PREX2: variants seen among roughly 807,000 people sequenced by gnomAD.
PREX2 encodes the protein phosphatidylinositol-3,4,5-trisphosphate dependent Rac exchange factor 2, also known as phosphatidylinositol 3,4,5-trisphosphate-dependent Rac exchanger 2 protein.
Under a neutral mutation model 203.2 loss-of-function variants are expected in PREX2, and 107 were observed. That is an observed-to-expected ratio of 0.53 (90% confidence interval 0.45 to 0.62). The LOEUF is 0.62. Ranked by LOEUF, PREX2 falls within the 20% of genes least tolerant of loss-of-function variation. PREX2 has a pLI of 0.00. For missense variants in PREX2, 1,777 were observed against 1,955.9 expected (o/e 0.91, Z 1.72); for synonymous variants, 672 against 663.6 (o/e 1.01, Z -0.19).
Position 68,115,872 on chromosome 8 carries a change from T to C in PREX2, c.3266T>C (p.Val1089Ala), listed in dbSNP as rs763886172. ...AACAGCAAACGGGTATGTTTTAATG[T>C]AGCAGGAGATGAACAGGAAGATTCT... ...ERNSKRVCFN[V>A]AGDEQEDSGH... is the part of the protein sequence containing the mutation. The change falls in exon 26 of 40, where the codon GTA becomes GCA. Residue 1089 changes from valine (V) to alanine (A), a missense_variant. By Grantham distance (64) the Val-to-Ala change is moderately conservative (BLOSUM62 0). Transcript: ENST00000288368. The C allele has an allele frequency of 6.2e-7, 1 of 1,613,938 alleles. No homozygotes were observed. The highest frequency in any genetic ancestry group is 2.2e-5 in the East Asian group (1 of 44,864).
intron 35 of PREX2, among the ~76,000 whole-genome samples, chr8:68,168,909 CTT>C (rs60305267): frequency 1.3e-5 from 2 of 149,250 alleles, no homozygotes; most frequent in South Asian, 4.2e-4. Context: ...CAGAAGATGA[CTT>C]TTTTTTTTTT....
intron 37 of PREX2, among the ~76,000 whole-genome samples, chr8:68,209,973 A>G (rs1009305709): frequency 1.2e-4 from 18 of 152,306 alleles, no homozygotes; most frequent in African/African-American, 4.3e-4. Flanking sequence ...ACAAAACAAG[A>G]TCATATTTAT....
At chr8:68,201,900 ATTTTTT>A (rs869153263) in intron 37 of PREX2, among the ~76,000 whole-genome samples, 8 of 98,256 alleles carry the variant, frequency 8.1e-5, no homozygotes, top group East Asian at 3.4e-4. Flanking sequence ...GGTAACACCT[ATTTTTT>A]TTTTTTTTTT....
At chr8:68,061,538 G>A (rs6472377) in intron 11 of PREX2, among the ~76,000 whole-genome samples, 88,568 of 152,042 alleles carry the variant, frequency 0.58, 27,204 homozygotes, top group African/African-American at 0.79. Context: ...GTCTGCCTCC[G>A]TGGGCATGAA....
chr8:68,180,796 C>T (rs1332951487), intron 35 of PREX2, among the ~76,000 whole-genome samples: 5 of 152,010 alleles, frequency 3.3e-5, no homozygotes, highest in Non-Finnish European at 5.9e-5. Flanking sequence ...GAATGGTTCT[C>T]GTAGGATGAC....
intron 38 of PREX2, among the ~76,000 whole-genome samples, chr8:68,221,332 A>G (rs757664717): frequency 1.4e-4 from 22 of 152,208 alleles, no homozygotes; most frequent in Non-Finnish European, 2.9e-4. Flanking sequence ...TCTTGAGCCA[A>G]GCAGCCACAG....
intron 8 of PREX2, among the ~76,000 whole-genome samples, chr8:68,045,114 A>G (rs559016894): frequency 4.6e-5 from 7 of 152,110 alleles, no homozygotes; most frequent in Non-Finnish European, 1.0e-4. Flanking sequence ...ACTCAAAGGT[A>G]GTAACTTTTT....
At chr8:68,201,100 C>T (rs1293301233) in intron 37 of PREX2, among the ~76,000 whole-genome samples, 1 of 151,930 alleles carries the variant, frequency 6.6e-6, no homozygotes, top group Admixed American at 6.6e-5. Flanking sequence ...TTTTCTAAGT[C>T]TACCAAATTA....
rs1813261865 is a variant in PREX2 at position 68,236,210 on chromosome 8, T to C, written c.*4832T>C. ...CTGTTCAATCTGGAATCAACTGACC[T>C]GGCTCTGCCATTGAGAAATAACTAA... is the stretch of plus-strand genomic sequence containing the variant. On this transcript the variant is annotated 3_prime_UTR_variant, in exon 40 of 40. Transcript: ENST00000288368. 1 of 152,180 alleles carries C rather than the reference T, an allele frequency of 6.6e-6. No homozygotes were observed. Among genetic ancestry groups the C allele is most frequent in the African/African-American group, 2.4e-5 (1 of 41,450 alleles). The allele number at this position is 152,180 out of a possible 1,614,324, so 9.4% of individuals were successfully genotyped here.
chr8:68,226,954 C>T (rs1256473758), intron 39 of PREX2, among the ~76,000 whole-genome samples: 1 of 152,180 alleles, frequency 6.6e-6, no homozygotes, highest in East Asian at 1.9e-4. Flanking sequence ...GTTTTGAGAA[C>T]TATGCCTAGA....
At chr8:68,093,476 T>C (rs1352227180) in intron 20 of PREX2, 129 bp from the exon 21 acceptor site, 2 of 529,220 alleles carry the variant, frequency 3.8e-6, no homozygotes, top group Non-Finnish European at 6.9e-6. Flanking sequence ...CTGATGTTAA[T>C]TGTATCTCTC....
intron 1 of PREX2, among the ~76,000 whole-genome samples, chr8:68,009,915 T>C (rs1017580721): frequency 2.0e-5 from 3 of 152,222 alleles, no homozygotes; most frequent in East Asian, 1.9e-4. Context: ...GATCAGCCTG[T>C]CATTTTACTT....
At chr8:68,080,865 A>C (rs748829240) in intron 17 of PREX2, 27 bp downstream of exon 17, 1 of 1,204,918 alleles carries the variant, frequency 8.3e-7, no homozygotes, top group Admixed American at 2.0e-5. Context: ...TTTTAATTTA[A>C]ATTTGTTATC....
chr8:68,069,152 A>T lies in PREX2; in HGVS notation c.1443+16A>T, dbSNP rs1157998164. ...GATTTCAAAGGTAACGACCTCTCCC[A>T]CAACCTCTCCAATAGTAGAATGCAT... On this transcript the variant is annotated intron_variant, in intron 12 of 39. Coordinates refer to ENST00000288368, the MANE Select transcript of PREX2 (RefSeq NM_024870.4). 2.5e-6 allele frequency: 3 copies of T among 1,208,362 alleles called. No individual in the cohort carries two copies. Among genetic ancestry groups the T allele is most frequent in the African/African-American group, 3.1e-5 (2 of 64,380 alleles). 74.9% of individuals were successfully genotyped at this position (1,208,362 alleles called of 1,614,324 possible).
intron 35 of PREX2, among the ~76,000 whole-genome samples, chr8:68,175,202 G>A (rs764301570): frequency 2.0e-5 from 3 of 152,126 alleles, no homozygotes; most frequent in Non-Finnish European, 2.9e-5. Flanking sequence ...GAGAGCAGTG[G>A]AGAAGCTGTT....
At chr8:67,983,084 T>C (rs941389721) in intron 1 of PREX2, among the ~76,000 whole-genome samples, 1 of 152,228 alleles carries the variant, frequency 6.6e-6, no homozygotes, top group Non-Finnish European at 1.5e-5. Context: ...TGGCAGAACA[T>C]TTACTTTATA....
chr8:68,165,552 A>G (rs1585839661), intron 35 of PREX2, among the ~76,000 whole-genome samples: 1 of 152,104 alleles, frequency 6.6e-6, no homozygotes, highest in South Asian at 2.1e-4. Context: ...GACTGGAGTC[A>G]CTATGTCACA....
At chr8:68,102,947 C>T in intron 23 of PREX2, 1 of 517,426 alleles carries the variant, frequency 1.9e-6, no homozygotes, top group Non-Finnish European at 3.9e-6. Flanking sequence ...AAAATTATGC[C>T]CTGTTGGGAG....
intron 23 of PREX2, chr8:68,100,055 A>G (rs1199479835): frequency 4.4e-6 from 3 of 682,702 alleles, no homozygotes; most frequent in Non-Finnish European, 5.5e-6. Flanking sequence ...TTACTGTCCC[A>G]CATCTTCAAA....
Sources: gnomAD v4.1 joint callset for allele counts (sites outside exome capture counted in the v4.1 genomes callset) on GRCh38, gnomAD v4.1.1 for gene constraint, MANE v1.5 for transcripts, NCBI Gene and HGNC (gene_info 2026-07-23, HGNC 2026-07-21) for gene names.